The following SCN1A variants were observed in gnomAD, a reference collection of about 807,000 sequenced individuals.
SCN1A encodes sodium voltage-gated channel alpha subunit 1, also known as sodium channel protein type 1 subunit alpha.
A neutral mutation model predicts 193.7 loss-of-function variants in SCN1A; 13 were observed. That is an observed-to-expected ratio of 0.07 (90% CI 0.04 to 0.11). The LOEUF (loss-of-function observed/expected upper bound fraction) is 0.11. Ranked by LOEUF, SCN1A falls within the 10% of genes least tolerant of loss-of-function variation. The pLI is 1.00. For synonymous variants in SCN1A, 781 were observed against 843.6 expected (o/e 0.93, Z 1.29); for missense variants, 1,432 against 2,451.1 (o/e 0.58, Z 8.78).
chr2:166,110,743 C>T (rs1689204292), intron 2 of SCN1A, among the ~76,000 whole-genome samples: 1 of 152,270 alleles, frequency 6.6e-6, no homozygotes, highest in African/African-American at 2.4e-5. Flanking sequence ...TGTCCCCACC[C>T]AAATCTCATC....
rs376954639 is a variant in SCN1A at position 166,015,525 on chromosome 2, A to T, written c.3550+82T>A. On this transcript the variant is annotated intron_variant, in intron 20 of 28. Transcript: ENST00000674923. ...ATCTATTACAAAGTGCCATTTTATT[A>T]TATGTGATTTATTTTAGCTGACCAA... is the stretch of plus-strand genomic sequence containing the variant. 8.5e-6 allele frequency: 13 copies of T among 1,529,474 alleles called. No homozygotes were observed. In the South Asian group the frequency reaches 9.0e-5, roughly 11 times the overall value. The allele number at this position is 1,529,474 out of a possible 1,614,324, so 94.7% of individuals were successfully genotyped here.
chr2:166,138,674 G>A (rs1362853908), intron 1 of SCN1A, among the ~76,000 whole-genome samples: 1 of 152,160 alleles, frequency 6.6e-6, no homozygotes, highest in African/African-American at 2.4e-5. Flanking sequence ...CTCTGTTAAG[G>A]CAGTATGGAA....
At chr2:166,117,755 G>A (rs943309600) in intron 2 of SCN1A, among the ~76,000 whole-genome samples, 1 of 152,054 alleles carries the variant, frequency 6.6e-6, no homozygotes, top group Non-Finnish European at 1.5e-5. Flanking sequence ...CCAGCACTTT[G>A]GGAGGCCAAG....
chr2:166,053,237 G>A, intron 7 of SCN1A: 1 of 624,804 alleles, frequency 1.6e-6, no homozygotes. Context: ...AATATTATAA[G>A]TGGTAAATCA....
intron 19 of SCN1A, among the ~76,000 whole-genome samples, chr2:166,030,370 T>A (rs1192223638): frequency 6.7e-6 from 1 of 149,262 alleles, no homozygotes; most frequent in Non-Finnish European, 1.5e-5. Flanking sequence ...ATGGTGAACA[T>A]TTAAACAATA....
At chr2:166,134,720 A>C (rs892447143) in intron 1 of SCN1A, among the ~76,000 whole-genome samples, 2 of 152,222 alleles carry the variant, frequency 1.3e-5, no homozygotes, top group Non-Finnish European at 2.9e-5. Flanking sequence ...GATGTAATCT[A>C]AAAATATGTG....
chr2:166,083,597 C>A (rs1436363270), intron 2 of SCN1A, among the ~76,000 whole-genome samples: 2 of 151,750 alleles, frequency 1.3e-5, no homozygotes, highest in Non-Finnish European at 2.9e-5. Flanking sequence ...TTCAGATCTG[C>A]CATAGTTTAT....
rs775214722 is a variant in SCN1A at position 166,037,845 on chromosome 2, A to G, written c.2877T>C (p.Cys959=). The G allele has an allele frequency of 1.1e-5, 17 of 1,614,004 alleles. No homozygotes were observed. The highest frequency in any genetic ancestry group is 1.7e-5 in the Admixed American group (1 of 59,998). The part of the protein sequence containing the change: ...CGEWIETMWD[C]MEVAGQAMCL... ...ACATGGCTTGACCAGCAACCTCCAT[A>G]CAGTCCCACATGGTCTCTATCCACT... The change falls in exon 18 of 29, where the codon TGT becomes TGC. Residue 959 remains cysteine, a synonymous_variant. Transcript: ENST00000674923.
chr2:166,046,695 T>C (rs752752757), intron 12 of SCN1A, 75 bp downstream of exon 12: 2 of 1,392,312 alleles, frequency 1.4e-6, no homozygotes, highest in Non-Finnish European at 2.0e-6. Flanking sequence ...TGCTCTTAGG[T>C]ACTCACTTTC....
intron 2 of SCN1A, among the ~76,000 whole-genome samples, chr2:166,106,501 G>A (rs1427950426): frequency 6.6e-6 from 1 of 152,022 alleles, no homozygotes; most frequent in African/African-American, 2.4e-5. Flanking sequence ...TGTTGGGCAA[G>A]CAGAAACAAT....
At chr2:166,105,614 A>G (rs1188797501) in intron 2 of SCN1A, among the ~76,000 whole-genome samples, 2 of 152,240 alleles carry the variant, frequency 1.3e-5, no homozygotes, top group South Asian at 4.1e-4. Flanking sequence ...TAATCAAAGC[A>G]TTTGAATTAG....
At chr2:166,132,145 A>C (rs985056119), upstream of SCN1A, among the ~76,000 whole-genome samples, 5 of 152,198 alleles carry the variant, frequency 3.3e-5, no homozygotes, top group African/African-American at 9.6e-5. Context: ...AGATGTTAGC[A>C]GGTCTTCTGA....
At chr2:166,141,242 G>A (rs1037890115) in intron 1 of SCN1A, among the ~76,000 whole-genome samples, 1 of 151,988 alleles carries the variant, frequency 6.6e-6, no homozygotes, top group Admixed American at 6.6e-5. Flanking sequence ...AGTGGCTCTT[G>A]AAGTAAAAAT....
Position 166,037,822 on chromosome 2 carries a change from A to G in SCN1A, c.2900T>C (p.Met967Thr), listed in dbSNP as rs770386102. 1.2e-6 allele frequency: 2 copies of G among 1,614,190 alleles called. No individual in the cohort carries two copies. The highest frequency in any genetic ancestry group is 1.1e-5 in the South Asian group (1 of 91,092). ...WDCMEVAGQA[M>T]CLTVFMMVMV... The stretch of plus-strand genomic sequence containing the variant: ...GACCATCATGAAGACAGTAAGGCAC[A>G]TGGCTTGACCAGCAACCTCCATACA... Residue 967 changes from methionine to threonine, a missense_variant, in exon 18 of 29, where the codon ATG becomes ACG. By Grantham distance (81) the Met-to-Thr change is moderately conservative. This residue lies in a region of SCN1A where 93 missense variants were observed against 260.4 expected (regional missense o/e 0.36). Coordinates refer to ENST00000674923, the MANE Select transcript of SCN1A (RefSeq NM_001165963.4).
At chr2:166,068,324 C>T (rs905039507) in intron 4 of SCN1A, among the ~76,000 whole-genome samples, 5 of 152,134 alleles carry the variant, frequency 3.3e-5, no homozygotes, top group African/African-American at 1.2e-4. Context: ...ACATCACCAT[C>T]TTGGGACTGT....
In SCN1A at chr2:166,012,271, A is replaced by G. The variant is rs376579606; in HGVS notation, c.3717T>C (p.Asp1239=). 2.4e-5 allele frequency: 39 copies of G among 1,607,060 alleles called. No homozygotes were observed. The African/African-American group carries it at 4.8e-4, about 20-fold the overall frequency. The change falls in exon 22 of 29, where the codon GAT becomes GAC. Residue 1239 remains aspartate (D), a synonymous_variant. Transcript: ENST00000674923. ...LLSSGALAFE[D]IYIDQRKTIK... The stretch of plus-strand genomic sequence containing the variant: ...TCGTCTTTCGCTGATCAATATATAT[A>G]TCTTCAAATGCCTATAAAGAAAATG...
intron 2 of SCN1A, among the ~76,000 whole-genome samples, chr2:166,115,938 T>C (rs1390021557): frequency 6.6e-6 from 1 of 152,186 alleles, no homozygotes; most frequent in African/African-American, 2.4e-5. Context: ...TTAATCATAC[T>C]TGGGGAAGAA....
rs564182378 is a variant in SCN1A, at chr2:165,990,526, A to G, written c.*719T>C. ...AGATTTACTGGCCTACCCACAAATAATCTACTTGGTCTAGGGGCTGGATTT... is the reference window on the plus strand; with the variant it reads ...AGATTTACTGGCCTACCCACAAATAGTCTACTTGGTCTAGGGGCTGGATTT... On this transcript the variant is annotated 3_prime_UTR_variant, in exon 29 of 29. Transcript: ENST00000674923. The G allele has an allele frequency of 2.0e-5, 3 of 152,530 alleles. No homozygotes were observed. The allele number at this position is 152,530 out of a possible 1,614,324, so 9.4% of individuals were successfully genotyped here.
chr2:166,025,267 T>C (rs1694608818), intron 19 of SCN1A, among the ~76,000 whole-genome samples: 1 of 152,172 alleles, frequency 6.6e-6, no homozygotes. Context: ...TTACTGTCGT[T>C]GGCAGAGTTC....
Sources: gnomAD v4.1 joint callset for allele counts (sites outside exome capture counted in the v4.1 genomes callset) on GRCh38, gnomAD v4.1.1 for gene constraint, gnomAD v4.1.1 regional missense constraint, MANE v1.5 for transcripts, NCBI Gene and HGNC (gene_info 2026-07-23, HGNC 2026-07-21) for gene names.